The following TMEM232 variants were observed in gnomAD, a reference collection of about 807,000 sequenced individuals.
The protein encoded by TMEM232 is transmembrane protein 232.
TMEM232 carries 80 observed loss-of-function variants against 78.8 expected under a neutral mutation model. That is an observed-to-expected ratio of 1.01 (90% CI 0.85 to 1.22). The LOEUF (loss-of-function observed/expected upper bound fraction) is 1.22, where lower values mean the gene tolerates loss of function less well. Ranked by LOEUF, TMEM232 falls within the 50% of genes most tolerant of loss-of-function variation. The pLI, the probability that TMEM232 is intolerant of heterozygous loss-of-function variation, is 0.00. For missense variants in TMEM232, 881 were observed against 742.2 expected (o/e 1.19, Z -2.17); for synonymous variants, 297 against 254.3 (o/e 1.17, Z -1.60).
At chr5:110,461,091 C>T (rs1761474223) in intron 12 of TMEM232, among the ~76,000 whole-genome samples, 1 of 151,872 alleles carries the variant, frequency 6.6e-6, no homozygotes, top group Non-Finnish European at 1.5e-5. Flanking sequence ...CTCTCCCTTT[C>T]AATCGAAATC....
intron 12 of TMEM232, among the ~76,000 whole-genome samples, chr5:110,510,915 A>G (rs1446340375): frequency 1.3e-5 from 2 of 152,180 alleles, no homozygotes; most frequent in Non-Finnish European, 2.9e-5. Context: ...AATCAGAAAT[A>G]CCATTTGACC....
chr5:110,712,119 A>AG, intron 1 of TMEM232, among the ~76,000 whole-genome samples: 1 of 150,918 alleles, frequency 6.6e-6, no homozygotes, highest in Admixed American at 6.6e-5. Context: ...AAAAAAAAAA[A>AG]AAAAAAAAAA....
chr5:110,444,275 G>C (rs919366975), intron 12 of TMEM232, among the ~76,000 whole-genome samples: 20 of 152,076 alleles, frequency 1.3e-4, no homozygotes, highest in Admixed American at 1.3e-3. Context: ...ATTTCCCTTT[G>C]GCTAGGGCTG....
At chr5:110,628,002 C>T in intron 5 of TMEM232, 122 bp from the exon 6 acceptor site, 1 of 718,766 alleles carries the variant, frequency 1.4e-6, no homozygotes, top group South Asian at 1.8e-5. Context: ...TAAACTCACT[C>T]AATATTATGT....
rs576088325 is a variant in TMEM232, at chr5:110,531,158, G to T, written c.1456-2323C>A. ...CACCCTGTGACCCCCACTTCTGCCC[G>T]CCAGAGAACAACCCCCCTTTTTCCT... On this transcript the variant is annotated intron_variant, in intron 11 of 13. Coordinates refer to ENST00000455884, the MANE Select transcript of TMEM232 (RefSeq NM_001039763.4). 8.6e-5 allele frequency among the ~76,000 whole-genome samples: 13 copies of T among 150,302 alleles called. No homozygotes were observed. The South Asian group carries it at 2.4e-3, about 27-fold the overall frequency.
chr5:110,641,414 T>C (rs1046578397), intron 3 of TMEM232, among the ~76,000 whole-genome samples: 1 of 152,146 alleles, frequency 6.6e-6, no homozygotes, highest in African/African-American at 2.4e-5. Flanking sequence ...CGGAAGTTAA[T>C]GAACTTGAGG....
chr5:110,716,739 T>C (rs751713320), intron 1 of TMEM232, among the ~76,000 whole-genome samples: 19 of 152,260 alleles, frequency 1.2e-4, no homozygotes, highest in Non-Finnish European at 2.1e-4. Flanking sequence ...ATCCCTGTTT[T>C]ACAGATTGTC....
chr5:110,501,015 C>CT (rs1766210970), intron 12 of TMEM232, among the ~76,000 whole-genome samples: 1 of 152,246 alleles, frequency 6.6e-6, no homozygotes, highest in African/African-American at 2.4e-5. Flanking sequence ...ATCTTCTTCA[C>CT]TTTTTTTAAG....
chr5:110,516,036 G>C (rs751809540), intron 12 of TMEM232, among the ~76,000 whole-genome samples: 1 of 152,124 alleles, frequency 6.6e-6, no homozygotes, highest in Non-Finnish European at 1.5e-5. Context: ...TCAGGAGGTC[G>C]AGACCATCCT....
rs922471426 is a variant in TMEM232 at position 110,508,988 on chromosome 5, G to A, written c.1703+19600C>T. Among the ~76,000 whole-genome samples, 13 of 121,658 alleles carry A rather than the reference G, an allele frequency of 1.1e-4. 1 individual carries two copies. The highest frequency in any genetic ancestry group is 4.9e-4 in the Admixed American group (6 of 12,168). 79.8% of individuals were successfully genotyped at this position (121,658 alleles called of 152,430 possible). ...TATGTATATATATAAAATTATATAT[G>A]TGTATATATGTATATATATATGTAT... On this transcript the variant is annotated intron_variant, in intron 12 of 13. Transcript: ENST00000455884.
At chr5:110,666,805 T>C (rs1790654438) in intron 2 of TMEM232, 1 of 154,006 alleles carries the variant, frequency 6.5e-6, no homozygotes, top group African/African-American at 2.4e-5. Flanking sequence ...GTAAAGTCTT[T>C]GTGAAAGTTC....
intron 10 of TMEM232, among the ~76,000 whole-genome samples, chr5:110,604,162 T>A (rs115457625): frequency 0.012 from 1,820 of 152,250 alleles, 31 homozygotes; most frequent in African/African-American, 0.041. Flanking sequence ...TTAATGGAAG[T>A]GAGAATCACA....
chr5:110,715,503 G>A (rs146790675), intron 1 of TMEM232, among the ~76,000 whole-genome samples: 1 of 152,276 alleles, frequency 6.6e-6, no homozygotes, highest in Non-Finnish European at 1.5e-5. Flanking sequence ...AAGACTGGCT[G>A]TAGAAAGTTA....
At chr5:110,528,111 C>T (rs1157252372) in intron 12 of TMEM232, among the ~76,000 whole-genome samples, 1 of 151,768 alleles carries the variant, frequency 6.6e-6, no homozygotes, top group Non-Finnish European at 1.5e-5. Context: ...ATAAATTGTT[C>T]CTAAGTCCAA....
intron 10 of TMEM232, among the ~76,000 whole-genome samples, chr5:110,592,105 T>G (rs1256951577): frequency 6.6e-6 from 1 of 152,158 alleles, no homozygotes; most frequent in Non-Finnish European, 1.5e-5. Context: ...CAGTTTTCAA[T>G]TCCTATCATT....
At chr5:110,505,670 A>AT (rs1477544696) in intron 12 of TMEM232, among the ~76,000 whole-genome samples, 2 of 151,474 alleles carry the variant, frequency 1.3e-5, no homozygotes, top group Non-Finnish European at 2.9e-5. Flanking sequence ...CCACGCCCTA[A>AT]TTTTTTTTGT....
intron 2 of TMEM232, among the ~76,000 whole-genome samples, chr5:110,410,268 T>A (rs1755942608): frequency 6.6e-6 from 1 of 152,202 alleles, no homozygotes. Context: ...ATATTTTATT[T>A]AACAGTTTAT....
intron 1 of TMEM232, among the ~76,000 whole-genome samples, chr5:110,737,810 A>ATTT (rs1163090221): frequency 6.6e-6 from 1 of 152,186 alleles, no homozygotes; most frequent in Non-Finnish European, 1.5e-5. Context: ...TGTGATTACT[A>ATTT]TATATTTTAA....
chr5:110,568,770 C>T (rs957306579), intron 10 of TMEM232, 145 bp from the exon 11 acceptor site: 15 of 759,858 alleles, frequency 2.0e-5, no homozygotes, highest in Admixed American at 7.3e-5. Flanking sequence ...AATTTCTGAC[C>T]CTTCACTGCT....
Sources: allele counts gnomAD v4.1 joint callset (sites outside exome capture counted in the v4.1 genomes callset), GRCh38; gene constraint gnomAD v4.1.1; transcripts MANE v1.5; gene names NCBI Gene and HGNC (gene_info 2026-07-23, HGNC 2026-07-21).